IFNLR1: variants seen among roughly 807,000 people sequenced by gnomAD.
IFNLR1 encodes the protein interferon lambda receptor 1.
In IFNLR1, 28 loss-of-function variants were observed where a neutral mutation model predicts 52.5. The observed-to-expected ratio is 0.53, with a 90% CI of 0.40 to 0.73. IFNLR1 has a LOEUF of 0.73. Ranked by LOEUF, IFNLR1 falls within the 30% of genes least tolerant of loss-of-function variation. The probability of loss-of-function intolerance (pLI) is 0.00; values close to 1 mark genes in which losing one functional copy is unlikely to be tolerated. For missense variants in IFNLR1, 623 were observed against 659.1 expected, an observed-to-expected ratio of 0.95 and a Z score of 0.60; for synonymous variants, 276 against 274.9, an observed-to-expected ratio of 1.00 and a Z score of -0.04.
chr1:24,159,737 G>GTTTTTTTTTTTTTGTT, intron 4 of IFNLR1, 104 bp from the exon 5 acceptor site: 105 of 458,394 alleles, frequency 2.3e-4, no homozygotes, highest in East Asian at 3.7e-4. Context: ...TTTTTTTTTT[G>GTTTTTTTTTTTTTGTT]TTTTTTTTTT....
At chr1:24,169,648 G>C (rs771483718) in intron 2 of IFNLR1, 47 bp from the exon 3 acceptor site, 1 of 1,558,734 alleles carries the variant, frequency 6.4e-7, no homozygotes, top group Non-Finnish European at 8.7e-7. Flanking sequence ...CAGCCTCTCC[G>C]GGTCAGGGAA....
chr1:24,165,166 C>T (rs1226263695), intron 3 of IFNLR1, among the ~76,000 whole-genome samples: 1 of 152,144 alleles, frequency 6.6e-6, no homozygotes, highest in African/African-American at 2.4e-5. Flanking sequence ...TCTCTCTCTC[C>T]TCTTGCATTT....
intron 2 of IFNLR1, among the ~76,000 whole-genome samples, chr1:24,170,223 C>T (rs1262336831): frequency 6.6e-6 from 1 of 152,212 alleles, no homozygotes; most frequent in Admixed American, 6.5e-5. Flanking sequence ...GCCTCTAGAA[C>T]TGTGAGAAGG....
In IFNLR1 at chr1:24,162,808, T is replaced by C. The variant is rs1557644068; in HGVS notation, c.368-1124A>G. ...TTTCTTTTTCTTTCTTTCTTTTTTC[T>C]TTCTTTTTTTCTTCTTTCTTTCTTT... On this transcript the variant is annotated intron_variant, in intron 3 of 6. Coordinates refer to ENST00000327535, the MANE Select transcript of IFNLR1 (RefSeq NM_170743.4). 3.1e-3 allele frequency among the ~76,000 whole-genome samples: 307 copies of C among 99,190 alleles called. 15 individuals are homozygous for C. Among genetic ancestry groups the C allele is most frequent in the East Asian group, 8.1e-3 (20 of 2,472 alleles). 65.1% of individuals were successfully genotyped at this position (99,190 alleles called of 152,430 possible). A position where few individuals can be genotyped will look rare whatever the true frequency, so the allele number is the denominator to read the frequency against.
chr1:24,180,800 C>T lies in IFNLR1; in HGVS notation c.113G>A (p.Ser38Asn). Residue 38 changes from serine to asparagine, a missense_variant, in exon 2 of 7, where the codon AGC (serine) becomes AAC (asparagine). Ser to Asn is a conservative substitution (Grantham distance 46, BLOSUM62 1). Coordinates refer to ENST00000327535, the MANE Select transcript of IFNLR1 (RefSeq NM_170743.4). ...QNVTLLSQNFSVYLTWLPGLG... is the reference protein window; with the variant it reads ...QNVTLLSQNFNVYLTWLPGLG... ...CCCTGGGAGCCATGTCAGGTACACG[C>T]TGAAGTTCTGGGAGAGCAGCGTCAC... 1 of 1,613,992 alleles carries T rather than the reference C, an allele frequency of 6.2e-7. No individual in the cohort carries two copies. The highest frequency in any genetic ancestry group is 2.2e-5 in the East Asian group (1 of 44,874).
chr1:24,164,423 CAG>C (rs1409374691), intron 3 of IFNLR1, among the ~76,000 whole-genome samples: 1 of 152,220 alleles, frequency 6.6e-6, no homozygotes, highest in African/African-American at 2.4e-5. Context: ...TCCAAGCTAA[CAG>C]TGTTTCTGTG....
intron 2 of IFNLR1, among the ~76,000 whole-genome samples, chr1:24,174,879 A>G (rs993658255): frequency 1.3e-5 from 2 of 152,158 alleles, no homozygotes; most frequent in African/African-American, 4.8e-5. Flanking sequence ...AAAAAAAAAA[A>G]TGAGAAAGCA....
chr1:24,168,229 C>T (rs142119503), intron 3 of IFNLR1, among the ~76,000 whole-genome samples: 92 of 152,138 alleles, frequency 6.0e-4, no homozygotes, highest in Admixed American at 2.4e-3. Context: ...ATCCATCCAC[C>T]GAGCCAGCTT....
intron 1 of IFNLR1, among the ~76,000 whole-genome samples, chr1:24,181,059 G>A (rs977100995): frequency 7.2e-5 from 11 of 152,148 alleles, no homozygotes; most frequent in Non-Finnish European, 1.5e-4. Context: ...CTCTGGGACC[G>A]GAGGGTTCCA....
At chr1:24,182,126 G>C (rs1644696393) in intron 1 of IFNLR1, among the ~76,000 whole-genome samples, 1 of 151,794 alleles carries the variant, frequency 6.6e-6, no homozygotes, top group Non-Finnish European at 1.5e-5. Context: ...CTTGAACCCA[G>C]GAGGACGAGG....
At chr1:24,175,687 C>T (rs980628112) in intron 2 of IFNLR1, among the ~76,000 whole-genome samples, 1 of 152,148 alleles carries the variant, frequency 6.6e-6, no homozygotes, top group African/African-American at 2.4e-5. Flanking sequence ...AATCCCAGCC[C>T]TTTGGGAGGC....
At chr1:24,159,226 T>C in intron 5 of IFNLR1, 44 bp from the exon 6 acceptor site, 1 of 1,608,154 alleles carries the variant, frequency 6.2e-7, no homozygotes, top group Non-Finnish European at 8.5e-7. Flanking sequence ...CAATGGCTCT[T>C]GTCTACAACT....
At chr1:24,168,052 C>T (rs994615387) in intron 3 of IFNLR1, among the ~76,000 whole-genome samples, 5 of 152,062 alleles carry the variant, frequency 3.3e-5, no homozygotes, top group Non-Finnish European at 5.9e-5. Flanking sequence ...TCTGGAGAAC[C>T]TTGACTAACA....
chr1:24,168,900 A>T (rs564701772), intron 3 of IFNLR1, among the ~76,000 whole-genome samples: 2 of 151,948 alleles, frequency 1.3e-5, no homozygotes, highest in African/African-American at 2.4e-5. Flanking sequence ...CCTGCCACCA[A>T]GCCTGGCTAA....
intron 2 of IFNLR1, among the ~76,000 whole-genome samples, chr1:24,177,898 T>C (rs913125990): frequency 6.6e-6 from 1 of 152,166 alleles, no homozygotes; most frequent in African/African-American, 2.4e-5. Flanking sequence ...AAAGAAAATA[T>C]AGATGTACCA....
chr1:24,170,972 G>A (rs1644572912), intron 2 of IFNLR1, among the ~76,000 whole-genome samples: 1 of 152,124 alleles, frequency 6.6e-6, no homozygotes, highest in South Asian at 2.1e-4. Flanking sequence ...GTTATACTAT[G>A]CAAATATTCA....
At chr1:24,172,684 C>A (rs1644593483) in intron 2 of IFNLR1, among the ~76,000 whole-genome samples, 1 of 152,054 alleles carries the variant, frequency 6.6e-6, no homozygotes, top group Non-Finnish European at 1.5e-5. Flanking sequence ...GCTTAGGACA[C>A]CAAAAGCGTT....
At chr1:24,178,655 C>A (rs949671196) in intron 2 of IFNLR1, among the ~76,000 whole-genome samples, 9 of 152,208 alleles carry the variant, frequency 5.9e-5, no homozygotes, top group Non-Finnish European at 1.3e-4. Context: ...TAGACTGAAA[C>A]CACCAAATGT....
chr1:24,161,106 C>T (rs1384463030), intron 4 of IFNLR1, among the ~76,000 whole-genome samples: 3 of 152,152 alleles, frequency 2.0e-5, no homozygotes, highest in Admixed American at 1.3e-4. Flanking sequence ...ATAACTGCAG[C>T]GTTGAGTAGT....
Sources: allele counts gnomAD v4.1 joint callset (sites outside exome capture counted in the v4.1 genomes callset), GRCh38; gene constraint gnomAD v4.1.1; transcripts MANE v1.5; gene names NCBI Gene and HGNC (gene_info 2026-07-23, HGNC 2026-07-21).